DMD: variants seen among roughly 807,000 people sequenced by gnomAD.
DMD encodes the protein dystrophin.
A neutral mutation model predicts 330.1 loss-of-function variants in DMD; 63 were observed. The ratio of observed to expected loss-of-function variants is 0.19; its 90% CI spans 0.16 to 0.24. DMD has a LOEUF of 0.24. Ranked by LOEUF, DMD falls within the 10% of genes least tolerant of loss-of-function variation. DMD has a pLI of 1.00. For synonymous variants in DMD, 1,223 were observed against 959.8 expected (o/e 1.27, Z -5.07); for missense variants, 3,344 against 2,684.1 (o/e 1.25, Z -5.43).
intron 55 of DMD, among the ~76,000 whole-genome samples, chrX:31,555,027 A>G (rs1485882200): frequency 8.9e-6 from 1 of 111,987 alleles, no homozygotes; most frequent in Non-Finnish European, 1.9e-5. Flanking sequence ...GAGGGCCAGA[A>G]GCAAGAAACA....
At chrX:32,042,026 CAT>C (rs57983190) in intron 44 of DMD, among the ~76,000 whole-genome samples, 2,462 of 40,313 alleles carry the variant, frequency 0.061, 91 homozygotes, top group African/African-American at 0.11. Context: ...TCTCTCTGTT[CAT>C]ATATATATAT....
chrX:31,436,923 C>CT (rs1473048355), intron 60 of DMD, among the ~76,000 whole-genome samples: 1 of 111,488 alleles, frequency 9.0e-6, no homozygotes, highest in Non-Finnish European at 1.9e-5. Context: ...ATACTTCTTT[C>CT]TTTTTTTTAT....
chrX:31,581,991 C>T (rs2076362435), intron 55 of DMD, among the ~76,000 whole-genome samples: 1 of 111,624 alleles, frequency 9.0e-6, no homozygotes, highest in Admixed American at 9.6e-5. Flanking sequence ...GTAGCTAATT[C>T]CTTTTCTGTA....
rs6631438 is a variant in DMD, at chrX:31,952,139, T to A, written c.6614+16200A>T. On this transcript the variant is annotated intron_variant, in intron 45 of 78. Transcript: ENST00000357033. ...TGTTTTAAAGACTTTCCCATTTGTC[T>A]TTCAATAATTTCAAATGAAACTATT... Among the ~76,000 whole-genome samples, 477 of 110,527 alleles carry A rather than the reference T, an allele frequency of 4.3e-3. 1 individual carries two copies. The highest frequency in any genetic ancestry group is 6.5e-3 in the Non-Finnish European group (345 of 52,715).
intron 1 of DMD, among the ~76,000 whole-genome samples, chrX:33,081,154 G>A (rs2094924889): frequency 8.9e-6 from 1 of 111,735 alleles, no homozygotes; most frequent in Non-Finnish European, 1.9e-5. Flanking sequence ...AATCACAGCT[G>A]AAGGCAAAGA....
chrX:32,990,965 T>A (rs1412040981), intron 2 of DMD, among the ~76,000 whole-genome samples: 1 of 111,419 alleles, frequency 9.0e-6, no homozygotes, highest in Non-Finnish European at 1.9e-5. Flanking sequence ...TAAAAGAACA[T>A]GGTATTCCGT....
At chrX:31,322,197 T>C (rs2056476799) in intron 62 of DMD, among the ~76,000 whole-genome samples, 1 of 111,943 alleles carries the variant, frequency 8.9e-6, no homozygotes, top group Non-Finnish European at 1.9e-5. Context: ...AAGTAGCAGG[T>C]CTCAAACATC....
intron 27 of DMD, among the ~76,000 whole-genome samples, chrX:32,442,295 T>A (rs183154329): frequency 1.9e-3 from 211 of 110,687 alleles, no homozygotes; most frequent in African/African-American, 6.6e-3. Flanking sequence ...CACATAAGAA[T>A]ATGAAAAATG....
At chrX:32,963,775 G>A (rs373442563) in intron 2 of DMD, among the ~76,000 whole-genome samples, 14 of 111,379 alleles carry the variant, frequency 1.3e-4, no homozygotes, top group African/African-American at 4.6e-4. Context: ...AGTGTATAAA[G>A]GTCATACAGA....
At chrX:31,342,059 T>C (rs1465514468) in intron 61 of DMD, among the ~76,000 whole-genome samples, 1 of 111,203 alleles carries the variant, frequency 9.0e-6, no homozygotes, top group African/African-American at 3.3e-5. Flanking sequence ...TTGTAAGTCA[T>C]TAAACTGATT....
intron 47 of DMD, among the ~76,000 whole-genome samples, chrX:31,913,764 C>A (rs866763039): frequency 1.0e-5 from 1 of 100,053 alleles, no homozygotes; most frequent in African/African-American, 4.2e-5. Context: ...CAAAACAAAA[C>A]AAAAACAAAA....
intron 4 of DMD, among the ~76,000 whole-genome samples, chrX:32,832,331 T>A (rs1239677031): frequency 9.0e-6 from 1 of 111,522 alleles, no homozygotes; most frequent in Non-Finnish European, 1.9e-5. Context: ...AAACAATAAC[T>A]AAAAGGGAAA....
chrX:31,808,353 C>G (rs948235448), intron 50 of DMD, among the ~76,000 whole-genome samples: 1 of 111,651 alleles, frequency 9.0e-6, no homozygotes, highest in African/African-American at 3.3e-5. Context: ...ATAATGGATA[C>G]AAATCCATGC....
chrX:32,304,589 C>G (rs1202344646), intron 42 of DMD, among the ~76,000 whole-genome samples: 1 of 110,610 alleles, frequency 9.0e-6, no homozygotes, highest in Non-Finnish European at 1.9e-5. Context: ...TCATATAATA[C>G]AAATGAAAAA....
At chrX:32,033,653 G>GAAAGAAAGAAGA (rs201179363) in intron 44 of DMD, among the ~76,000 whole-genome samples, 26 of 59,074 alleles carry the variant, frequency 4.4e-4, no homozygotes, top group African/African-American at 1.8e-3. Flanking sequence ...AAGAAAGAAA[G>GAAAGAAAGAAGA]AAGAAAGAAA....
chrX:33,281,393 G>A (rs1292299643), intron 1 of DMD, among the ~76,000 whole-genome samples: 1 of 110,168 alleles, frequency 9.1e-6, no homozygotes, highest in African/African-American at 3.3e-5. Flanking sequence ...ATTTTTAGTC[G>A]AGACAGGGTT....
intron 7 of DMD, among the ~76,000 whole-genome samples, chrX:32,745,623 G>A (rs1414526625): frequency 1.8e-5 from 2 of 112,277 alleles, no homozygotes; most frequent in Non-Finnish European, 1.9e-5. Flanking sequence ...AGCCACAAAT[G>A]TGCTTTGAGA....
intron 60 of DMD, among the ~76,000 whole-genome samples, chrX:31,410,930 T>G (rs1251579127): frequency 1.0e-5 from 1 of 97,381 alleles, no homozygotes; most frequent in African/African-American, 3.8e-5. Flanking sequence ...TGTTTTTTTT[T>G]TTTTTTTTTT....
chrX:32,332,116 G>T (rs763355207), intron 41 of DMD, among the ~76,000 whole-genome samples: 1 of 111,461 alleles, frequency 9.0e-6, no homozygotes, highest in East Asian at 2.8e-4. Context: ...ACACGCACAA[G>T]AAATTTTGCA....
Sources: gnomAD v4.1 joint callset for allele counts (sites outside exome capture counted in the v4.1 genomes callset) on GRCh38, gnomAD v4.1.1 for gene constraint, MANE v1.5 for transcripts, NCBI Gene and HGNC (gene_info 2026-07-23, HGNC 2026-07-21) for gene names.